The following PCDHA11 variants were observed in gnomAD, a reference collection of about 807,000 sequenced individuals.
The protein encoded by PCDHA11 is protocadherin alpha 11.
Under a neutral mutation model 70.3 loss-of-function variants are expected in PCDHA11, and 61 were observed. That is an observed-to-expected ratio of 0.87 (90% CI 0.71 to 1.07). PCDHA11 has a LOEUF of 1.07. Among genes scored for constraint, PCDHA11 ranks in the 50% least tolerant of loss-of-function variants. The pLI is 0.00. For missense variants in PCDHA11, 1,324 were observed against 1,237.5 expected, an observed-to-expected ratio of 1.07 and a Z score of -1.05; for synonymous variants, 633 against 555.1, an observed-to-expected ratio of 1.14 and a Z score of -1.97.
intron 1 of PCDHA11, among the ~76,000 whole-genome samples, chr5:140,964,997 T>C (rs144251011): frequency 3.9e-5 from 6 of 152,316 alleles, no homozygotes; most frequent in African/African-American, 1.4e-4. Context: ...CTTTGAATTC[T>C]GGGTGTCAGG....
At chr5:140,955,241 A>T (rs1554221829) in intron 1 of PCDHA11, among the ~76,000 whole-genome samples, 1 of 152,114 alleles carries the variant, frequency 6.6e-6, no homozygotes, top group East Asian at 1.9e-4. Context: ...TTTGCTTAGG[A>T]TCGGCTTGGC....
intron 1 of PCDHA11, among the ~76,000 whole-genome samples, chr5:140,948,168 T>G (rs1217978838): frequency 6.6e-6 from 1 of 151,636 alleles, no homozygotes; most frequent in Non-Finnish European, 1.5e-5. Flanking sequence ...AACCTTCCAT[T>G]CCTAGGGTAA....
chr5:140,960,541 C>T (rs1200507322), intron 1 of PCDHA11, among the ~76,000 whole-genome samples: 1 of 151,924 alleles, frequency 6.6e-6, no homozygotes, highest in Non-Finnish European at 1.5e-5. Context: ...GAAACTGTGG[C>T]CTTCATATAG....
chr5:141,001,316 C>T (rs2098007805), intron 3 of PCDHA11, among the ~76,000 whole-genome samples: 2 of 152,096 alleles, frequency 1.3e-5, no homozygotes, highest in African/African-American at 4.8e-5. Flanking sequence ...AAATAATTTG[C>T]CAAACATCAC....
intron 1 of PCDHA11, among the ~76,000 whole-genome samples, chr5:140,922,707 A>T (rs1282909188): frequency 4.6e-5 from 7 of 152,240 alleles, no homozygotes; most frequent in African/African-American, 1.4e-4. Context: ...TACAGTCAAG[A>T]ACAAAAAGAA....
chr5:140,927,277 G>T, intron 1 of PCDHA11: 1 of 1,614,016 alleles, frequency 6.2e-7, no homozygotes, highest in Non-Finnish European at 8.5e-7. Context: ...TGCCGGCGAC[G>T]TGCAGCTGCA....
At chr5:140,942,221 G>A (rs1238547021) in intron 1 of PCDHA11, among the ~76,000 whole-genome samples, 1 of 152,046 alleles carries the variant, frequency 6.6e-6, no homozygotes, top group African/African-American at 2.4e-5. Context: ...TATTTAAAAT[G>A]TGTAGGCAAA....
chr5:140,928,921 C>A (rs782289381), intron 1 of PCDHA11: 1 of 1,614,116 alleles, frequency 6.2e-7, no homozygotes, highest in Non-Finnish European at 8.5e-7. Flanking sequence ...AGGAGGGCAG[C>A]TTTCTGCCCA....
At chr5:140,993,462 T>TCACACACACACACACACA (rs3836747) in intron 3 of PCDHA11, among the ~76,000 whole-genome samples, 2 of 140,938 alleles carry the variant, frequency 1.4e-5, no homozygotes, top group African/African-American at 5.3e-5. Flanking sequence ...TCTTTCTTTC[T>TCACACACACACACACACA]CACACACACA....
chr5:140,881,458 G>C (rs2058720447), intron 1 of PCDHA11: 1 of 671,966 alleles, frequency 1.5e-6, no homozygotes, highest in Non-Finnish European at 1.8e-6. Context: ...CAAAACCTTA[G>C]AGCATTGTTG....
At position 140,944,959 on chromosome 5, in the gene PCDHA11, A is replaced by C. The variant is rs183198577; in HGVS notation, c.2392-33990A>C. Among the ~76,000 whole-genome samples, 72 of 152,254 alleles carry C rather than the reference A, an allele frequency of 4.7e-4. No individual in the cohort carries two copies. The East Asian group carries it at 0.012, about 25-fold the overall frequency. ...TTAGATGATTGTGAATAAGAGTATT[A>C]TCTTAACCTCTCTGGTGGGTCTACT... On this transcript the variant is annotated intron_variant, in intron 1 of 3. Coordinates refer to ENST00000398640, the MANE Select transcript of PCDHA11 (RefSeq NM_018902.5).
chr5:140,870,277 G>T lies in PCDHA11; in HGVS notation c.1174G>T (p.Val392Phe), dbSNP rs367959983. Residue 392 changes from valine (V) to phenylalanine (F), a missense_variant, in exon 1 of 4, where the codon GTT becomes TTT. Val to Phe is a conservative substitution (Grantham distance 50). Transcript: ENST00000398640. ...GQVTCSLTPHVPFKLVSTFKN... is the reference protein window; with the variant it reads ...GQVTCSLTPHFPFKLVSTFKN... The stretch of plus-strand genomic sequence containing the variant: ...GGTGACCTGCTCGCTGACGCCCCAC[G>T]TTCCCTTCAAGCTGGTGTCCACCTT... 2.5e-6 allele frequency: 4 copies of T among 1,614,168 alleles called. No homozygotes were observed. The highest frequency in any genetic ancestry group is 3.4e-6 in the Non-Finnish European group (4 of 1,180,020).
In PCDHA11 at chr5:140,978,974, G is replaced by A. The variant is rs150254638; in HGVS notation, c.2417G>A (p.Arg806His). The A allele has an allele frequency of 2.1e-3, 3,356 of 1,614,130 alleles. 1 individual carries two copies. The highest frequency in any genetic ancestry group is 2.7e-3 in the Non-Finnish European group (3,158 of 1,180,020). The change falls in exon 2 of 4, where the codon CGT becomes CAT. Residue 806 changes from arginine (R) to histidine (H), a missense_variant. Coordinates refer to ENST00000398640, the MANE Select transcript of PCDHA11 (RefSeq NM_018902.5). ...GQPRQPNPDW[R>H]YSASLRAGMH... is the part of the protein sequence containing the mutation. ...CCACGACAGCCCAACCCTGACTGGC[G>A]TTACTCTGCCTCCCTGAGAGCAGGC...
intron 1 of PCDHA11, among the ~76,000 whole-genome samples, chr5:140,923,640 T>G (rs2081459480): frequency 6.6e-6 from 1 of 152,234 alleles, no homozygotes; most frequent in African/African-American, 2.4e-5. Flanking sequence ...GCAAAAATCT[T>G]TAGCCTCCCT....
intron 1 of PCDHA11, chr5:140,882,695 G>T: frequency 6.2e-7 from 1 of 1,614,192 alleles, no homozygotes; most frequent in Non-Finnish European, 8.5e-7. Flanking sequence ...AATAATCATT[G>T]CAGAATCTAG....
intron 1 of PCDHA11, among the ~76,000 whole-genome samples, chr5:140,971,548 C>T (rs558563294): frequency 6.6e-6 from 1 of 152,246 alleles, no homozygotes; most frequent in African/African-American, 2.4e-5. Context: ...CCAGATCAAC[C>T]TGTTAAATTC....
chr5:140,959,038 A>ATG (rs1387162159), intron 1 of PCDHA11, among the ~76,000 whole-genome samples: 2 of 151,994 alleles, frequency 1.3e-5, no homozygotes, highest in Non-Finnish European at 2.9e-5. Flanking sequence ...ATGGGTATGT[A>ATG]TGTATAGGAA....
rs373157192 is a variant in PCDHA11, at chr5:140,869,487, C to G, written c.384C>G (p.Asp128Glu). Residue 128 changes from aspartate to glutamate, a missense_variant, in exon 1 of 4, where the codon GAC (aspartate) becomes GAG (glutamate). Asp to Glu is a conservative substitution (Grantham distance 45). Transcript: ENST00000398640. The part of the protein sequence containing the change: ...HVNVEVKDIN[D>E]NPPVFSLREQ... ...ACGTGGAGGTGAAGGACATTAACGA[C>G]AACCCGCCGGTGTTCTCGCTCAGAG... The G allele has an allele frequency of 3.1e-6, 5 of 1,614,180 alleles. No homozygotes were observed. The South Asian group carries it at 5.5e-5, about 18-fold the overall frequency.
chr5:140,965,954 C>A lies in PCDHA11; in HGVS notation c.2392-12995C>A, dbSNP rs567785452. Among the ~76,000 whole-genome samples the A allele has an allele frequency of 9.8e-4, 149 of 152,300 alleles. 1 individual carries two copies. The highest frequency in any genetic ancestry group is 1.7e-3 in the Non-Finnish European group (115 of 68,034). The stretch of plus-strand genomic sequence containing the variant: ...GGAAAGAGGGCAGCATTTGCCATCC[C>A]CCTCCTTTTGCCCTAGGAGTTGAGC... On this transcript the variant is annotated intron_variant, in intron 1 of 3. Coordinates refer to ENST00000398640, the MANE Select transcript of PCDHA11 (RefSeq NM_018902.5).
Sources: allele counts gnomAD v4.1 joint callset (sites outside exome capture counted in the v4.1 genomes callset), GRCh38; gene constraint gnomAD v4.1.1; transcripts MANE v1.5; gene names NCBI Gene and HGNC (gene_info 2026-07-23, HGNC 2026-07-21).